Variants in TENM4 observed in about 807,000 individuals in gnomAD.
TENM4 encodes the protein teneurin-4.
Under a neutral mutation model 243.3 loss-of-function variants are expected in TENM4, and 82 were observed. That is an observed-to-expected ratio of 0.34 (90% confidence interval 0.28 to 0.40). The LOEUF is 0.40. Ranked by LOEUF, TENM4 falls within the 10% of genes least tolerant of loss-of-function variation. The probability of loss-of-function intolerance (pLI) is 1.00; values close to 1 mark genes in which losing one functional copy is unlikely to be tolerated. For synonymous variants in TENM4, 1,412 were observed against 1,456.3 expected (o/e 0.97, Z 0.69); for missense variants, 3,138 against 3,673.3 (o/e 0.85, Z 3.77).
At chr11:79,070,996 C>T (rs1860401074) in intron 4 of TENM4, among the ~76,000 whole-genome samples, 2 of 152,226 alleles carry the variant, frequency 1.3e-5, no homozygotes. Context: ...CCCCATCCAT[C>T]TGGGTGTTGC....
intron 20 of TENM4, among the ~76,000 whole-genome samples, chr11:78,734,833 T>C (rs17137073): frequency 0.16 from 24,194 of 152,164 alleles, 1,952 homozygotes; most frequent in Middle Eastern, 0.2. Context: ...GCCCAGTGCT[T>C]GATGCTTAAA....
At chr11:79,086,309 C>G (rs141711808) in intron 4 of TENM4, among the ~76,000 whole-genome samples, 1 of 152,200 alleles carries the variant, frequency 6.6e-6, no homozygotes, top group African/African-American at 2.4e-5. Flanking sequence ...AACCAACACC[C>G]GGTAGATTAT....
At chr11:79,336,045 T>C (rs961432535) in intron 1 of TENM4, among the ~76,000 whole-genome samples, 1 of 152,154 alleles carries the variant, frequency 6.6e-6, no homozygotes, top group African/African-American at 2.4e-5. Flanking sequence ...TGTTTATAGA[T>C]GAGGAAGCTA....
In TENM4 at chr11:78,786,741, G is replaced by A. The variant is rs113562758; in HGVS notation, c.2365+157C>T. On this transcript the variant is annotated intron_variant, in intron 16 of 33. Transcript: ENST00000278550. ...CCAAATCGTGAGTTTAAATCCAACC[G>A]ATGGCTAGGAAATGCCAGTCATAAT... Among the ~76,000 whole-genome samples the A allele has an allele frequency of 7.9e-5, 12 of 152,354 alleles. No individual in the cohort carries two copies. The East Asian group carries it at 9.6e-4, about 12-fold the overall frequency.
chr11:79,101,300 G>C (rs761054700), intron 4 of TENM4, among the ~76,000 whole-genome samples: 1 of 152,276 alleles, frequency 6.6e-6, no homozygotes, highest in Non-Finnish European at 1.5e-5. Flanking sequence ...AGAGGGCAGA[G>C]AGAAAAGGCG....
intron 6 of TENM4, among the ~76,000 whole-genome samples, chr11:79,036,903 C>T (rs1859395893): frequency 6.6e-6 from 1 of 151,194 alleles, no homozygotes; most frequent in Admixed American, 6.6e-5. Context: ...CCCAGCTACT[C>T]AGGAGGCTGA....
intron 4 of TENM4, among the ~76,000 whole-genome samples, chr11:79,117,436 T>C (rs913678770): frequency 6.6e-6 from 1 of 152,330 alleles, no homozygotes; most frequent in Admixed American, 6.5e-5. Context: ...GTTGTGATCA[T>C]GACAGAGCCT....
At chr11:78,864,081 G>A (rs949108024) in intron 9 of TENM4, among the ~76,000 whole-genome samples, 4 of 152,082 alleles carry the variant, frequency 2.6e-5, no homozygotes, top group Non-Finnish European at 5.9e-5. Flanking sequence ...CTACCTTTGG[G>A]TTTAAAAATT....
intron 6 of TENM4, among the ~76,000 whole-genome samples, chr11:78,969,562 T>A (rs1857500420): frequency 6.6e-6 from 1 of 152,218 alleles, no homozygotes; most frequent in South Asian, 2.1e-4. Flanking sequence ...TAACAAAATA[T>A]ACTTTTTAAC....
intron 26 of TENM4, among the ~76,000 whole-genome samples, chr11:78,709,651 G>A (rs1010734826): frequency 6.6e-6 from 1 of 152,222 alleles, no homozygotes; most frequent in African/African-American, 2.4e-5. Flanking sequence ...CTCAAGTGGA[G>A]TCTGAGCTAC....
At chr11:79,096,987 G>A (rs1283435967) in intron 4 of TENM4, 2 of 151,144 alleles carry the variant, frequency 1.3e-5, no homozygotes, top group East Asian at 2.0e-4. Flanking sequence ...TTGTGTAGAA[G>A]TACACAAACC....
intron 6 of TENM4, among the ~76,000 whole-genome samples, chr11:79,022,641 C>T (rs1858962983): frequency 2.6e-5 from 4 of 152,144 alleles, no homozygotes; most frequent in African/African-American, 9.7e-5. Context: ...TTAAAAGACA[C>T]ACACGATAGC....
At chr11:79,039,766 G>A (rs922125922) in intron 6 of TENM4, among the ~76,000 whole-genome samples, 5 of 152,108 alleles carry the variant, frequency 3.3e-5, no homozygotes, top group African/African-American at 1.2e-4. Flanking sequence ...AAACCTGCAC[G>A]TTCAGCACAT....
At chr11:79,258,104 G>T (rs73510656) in intron 2 of TENM4, among the ~76,000 whole-genome samples, 22,036 of 152,132 alleles carry the variant, frequency 0.14, 1,763 homozygotes, top group African/African-American at 0.22. Flanking sequence ...GGGGTTTGGT[G>T]TCTTGTCATG....
chr11:78,695,116 C>G (rs1463628593), intron 28 of TENM4, among the ~76,000 whole-genome samples: 1 of 148,122 alleles, frequency 6.8e-6, no homozygotes, highest in Non-Finnish European at 1.5e-5. Context: ...GTGTGATTAT[C>G]GATCACTGCA....
At chr11:79,265,949 T>C (rs1855877157) in intron 2 of TENM4, among the ~76,000 whole-genome samples, 1 of 152,180 alleles carries the variant, frequency 6.6e-6, no homozygotes, top group Non-Finnish European at 1.5e-5. Context: ...TTTCCTACTC[T>C]CAGAACTCTT....
intron 4 of TENM4, among the ~76,000 whole-genome samples, chr11:79,136,619 A>C (rs1862115254): frequency 6.6e-6 from 1 of 152,170 alleles, no homozygotes; most frequent in African/African-American, 2.4e-5. Flanking sequence ...ATCATGGAAA[A>C]GGCAGAGGTT....
chr11:79,390,936 C>A (rs1437740489), intron 1 of TENM4, among the ~76,000 whole-genome samples: 3 of 152,206 alleles, frequency 2.0e-5, no homozygotes, highest in African/African-American at 7.2e-5. Context: ...TTCAATAATG[C>A]ATATTATTTT....
chr11:78,726,137 G>A lies in TENM4; in HGVS notation c.3492C>T (p.Asp1164=), dbSNP rs689369. 269,091 of 1,613,666 alleles carry A rather than the reference G, an allele frequency of 0.17. 23,102 individuals are homozygous for A. The highest frequency in any genetic ancestry group is 0.24 in the Admixed American group (14,419 of 60,000). The stretch of plus-strand genomic sequence containing the variant: ...GGCTCCATCCTCCAAGCTTGGACGC[G>A]TCAATTTCATAGCCCTGCAGCACTG... ...RTTVLQGYEI[D]ASKLGGWSLD... is the part of the protein sequence containing the mutation. Residue 1164 remains aspartate, a synonymous_variant, in exon 23 of 34, where the codon GAC becomes GAT. Transcript: ENST00000278550.
Sources: gnomAD v4.1 joint callset for allele counts (sites outside exome capture counted in the v4.1 genomes callset) on GRCh38, gnomAD v4.1.1 for gene constraint, MANE v1.5 for transcripts, NCBI Gene and HGNC (gene_info 2026-07-23, HGNC 2026-07-21) for gene names.